The following HMCN1 variants were observed in gnomAD, a reference collection of about 807,000 sequenced individuals.
HMCN1 encodes hemicentin-1.
A neutral mutation model predicts 625.9 loss-of-function variants in HMCN1; 321 were observed. The observed-to-expected ratio is 0.51, with a 90% confidence interval of 0.47 to 0.56. The LOEUF (loss-of-function observed/expected upper bound fraction) is 0.56. Among genes scored for constraint, HMCN1 ranks in the 20% least tolerant of loss-of-function variants. HMCN1 has a pLI of 0.00. For missense variants in HMCN1, 6,588 were observed against 6,887.3 expected (o/e 0.96, Z 1.54); for synonymous variants, 2,425 against 2,417.6 (o/e 1.00, Z -0.09).
intron 1 of HMCN1, among the ~76,000 whole-genome samples, chr1:185,779,505 T>C (rs921164715): frequency 2.9e-4 from 44 of 152,338 alleles, no homozygotes; most frequent in Non-Finnish European, 5.7e-4. Context: ...CTTTAATCCA[T>C]CTTGAATTAA....
intron 2 of HMCN1, among the ~76,000 whole-genome samples, chr1:185,853,086 T>A (rs1174389431): frequency 5.3e-5 from 8 of 152,132 alleles, no homozygotes; most frequent in Non-Finnish European, 1.2e-4. Context: ...ATAACCTTAT[T>A]GATCTAATCA....
At chr1:186,136,180 A>AC (rs1649594233) in intron 86 of HMCN1, among the ~76,000 whole-genome samples, 2 of 152,096 alleles carry the variant, frequency 1.3e-5, no homozygotes, top group Admixed American at 1.3e-4. Context: ...TGGCTCAAAA[A>AC]AAAAGAATGA....
chr1:185,937,547 C>T lies in HMCN1; in HGVS notation c.1828+3723C>T, dbSNP rs1667870174. On this transcript the variant is annotated intron_variant, in intron 11 of 106. Coordinates refer to ENST00000271588, the MANE Select transcript of HMCN1 (RefSeq NM_031935.3). ...CAAATTCAGGGAGACACATTCAAAC[C>T]ATAACATAAGGCAAGAACTGGCTAA... Among the ~76,000 whole-genome samples, 4 of 152,216 alleles carry T rather than the reference C, an allele frequency of 2.6e-5. No individual in the cohort carries two copies. In the South Asian group the frequency reaches 8.3e-4, roughly 32 times the overall value.
intron 4 of HMCN1, among the ~76,000 whole-genome samples, chr1:185,901,299 C>G (rs938834788): frequency 6.6e-6 from 1 of 151,760 alleles, no homozygotes; most frequent in African/African-American, 2.4e-5. Flanking sequence ...TCTCTCCCAA[C>G]TCTCTCTCTT....
At chr1:186,161,828 A>G (rs1207723960) in intron 97 of HMCN1, among the ~76,000 whole-genome samples, 2 of 152,166 alleles carry the variant, frequency 1.3e-5, no homozygotes, top group Non-Finnish European at 2.9e-5. Context: ...GGGTAACCCA[A>G]CCTTTCTCTC....
chr1:185,858,994 C>T (rs1318989632), intron 2 of HMCN1, among the ~76,000 whole-genome samples: 2 of 150,190 alleles, frequency 1.3e-5, no homozygotes, highest in African/African-American at 4.9e-5. Context: ...GAGAGAAACA[C>T]TATAAAGAAA....
At chr1:186,115,479 T>C (rs989434997) in intron 75 of HMCN1, 65 bp downstream of exon 75, 2 of 1,452,204 alleles carry the variant, frequency 1.4e-6, no homozygotes, top group African/African-American at 1.4e-5. Context: ...AACATTTTAA[T>C]TCTATCAGTG....
intron 4 of HMCN1, among the ~76,000 whole-genome samples, chr1:185,891,831 C>T (rs570415071): frequency 2.8e-5 from 4 of 143,180 alleles, no homozygotes; most frequent in Non-Finnish European, 5.9e-5. Flanking sequence ...GGCGTTCTCT[C>T]TATTTCCTGA....
rs761154748 is a variant in HMCN1, at chr1:186,190,082, G to T, written c.*204G>T. On this transcript the variant is annotated 3_prime_UTR_variant, in exon 107 of 107. Transcript: ENST00000271588. Reference sequence around the variant, plus strand: ...ATATCTTGAAGTATGGTCTAGAAAAGTCCCTTATTATTTTATTTATTACAC... The same window carrying T: ...ATATCTTGAAGTATGGTCTAGAAAATTCCCTTATTATTTTATTTATTACAC... 1.6e-6 allele frequency: 1 copy of T among 616,778 alleles called. No individual in the cohort carries two copies. The highest frequency in any genetic ancestry group is 2.8e-6 in the Non-Finnish European group (1 of 351,434). The allele number at this position is 616,778 out of a possible 1,614,324, so 38.2% of individuals were successfully genotyped here.
At chr1:185,737,029 CA>C (rs1653623858) in intron 1 of HMCN1, among the ~76,000 whole-genome samples, 1 of 152,086 alleles carries the variant, frequency 6.6e-6, no homozygotes, top group Non-Finnish European at 1.5e-5. Context: ...GAAGTTTAAA[CA>C]TACTGTTAAC....
rs1038566012 is a variant in HMCN1, at chr1:186,069,760, T to C, written c.7977T>C (p.Tyr2659=). The change falls in exon 51 of 107, where the codon TAT becomes TAC. Residue 2659 remains tyrosine (Y), a synonymous_variant. Transcript: ENST00000271588. ...TNEAGEMIKH[Y]EVKVYIPPII... ...AGGCTGGAGAAATGATAAAGCACTA[T>C]GAAGTGAAGGTGTACAGTAAGTTCT... The C allele has an allele frequency of 6.2e-7, 1 of 1,610,862 alleles. No individual in the cohort carries two copies. Among genetic ancestry groups the C allele is most frequent in the Non-Finnish European group, 8.5e-7 (1 of 1,177,536 alleles).
At chr1:185,885,012 A>C (rs912922638) in intron 4 of HMCN1, among the ~76,000 whole-genome samples, 2 of 151,942 alleles carry the variant, frequency 1.3e-5, no homozygotes, top group African/African-American at 4.8e-5. Context: ...ATTAATAATT[A>C]AAAAGAAAAA....
chr1:185,850,502 G>T (rs1335031705), intron 2 of HMCN1, among the ~76,000 whole-genome samples: 2 of 151,876 alleles, frequency 1.3e-5, no homozygotes, highest in African/African-American at 4.8e-5. Flanking sequence ...CCCTTCTTTT[G>T]TTCTGAAGGA....
chr1:186,023,486 T>C (rs1181839639), intron 36 of HMCN1, among the ~76,000 whole-genome samples: 1 of 152,156 alleles, frequency 6.6e-6, no homozygotes, highest in African/African-American at 2.4e-5. Context: ...TGTTTCTTAA[T>C]CTTGTCTGCG....
intron 1 of HMCN1, among the ~76,000 whole-genome samples, chr1:185,823,326 C>A (rs879842176): frequency 6.6e-6 from 1 of 152,060 alleles, no homozygotes; most frequent in Admixed American, 6.6e-5. Context: ...TATTTATATG[C>A]TGATATTTTC....
chr1:185,749,076 C>T (rs1654620756), intron 1 of HMCN1, among the ~76,000 whole-genome samples: 1 of 152,148 alleles, frequency 6.6e-6, no homozygotes, highest in South Asian at 2.1e-4. Flanking sequence ...TGTTGTTACT[C>T]CTCCATGGCC....
At chr1:185,751,760 T>C (rs951018935) in intron 1 of HMCN1, among the ~76,000 whole-genome samples, 3 of 152,132 alleles carry the variant, frequency 2.0e-5, no homozygotes. Context: ...TCCAATCTAC[T>C]CTTTAAGCCA....
intron 84 of HMCN1, 106 bp downstream of exon 84, chr1:186,130,206 C>T (rs1293127478): frequency 1.5e-5 from 21 of 1,423,454 alleles, no homozygotes; most frequent in Admixed American, 3.8e-5. Context: ...AGTTTTTAAT[C>T]CACTCAGTCC....
intron 6 of HMCN1, among the ~76,000 whole-genome samples, chr1:185,916,068 A>ATGTGTGTGTG (rs372973815): frequency 1.1e-4 from 16 of 149,386 alleles, no homozygotes; most frequent in African/African-American, 3.9e-4. Flanking sequence ...GTGTGTGCAT[A>ATGTGTGTGTG]TGTGTGTGTG....
Sources: allele counts gnomAD v4.1 joint callset (sites outside exome capture counted in the v4.1 genomes callset), GRCh38; gene constraint gnomAD v4.1.1; transcripts MANE v1.5; gene names NCBI Gene and HGNC (gene_info 2026-07-23, HGNC 2026-07-21).